MRPS9: variants seen among roughly 807,000 people sequenced by gnomAD.
The protein encoded by MRPS9 is small ribosomal subunit protein uS9m.
In MRPS9, 45 loss-of-function variants were observed where a neutral mutation model predicts 59.9. The ratio of observed to expected loss-of-function variants is 0.75; its 90% CI spans 0.59 to 0.96. The LOEUF (loss-of-function observed/expected upper bound fraction) is 0.96. Ranked by LOEUF, MRPS9 falls within the 40% of genes least tolerant of loss-of-function variation. The probability of loss-of-function intolerance (pLI) is 0.00; values close to 1 mark genes in which losing one functional copy is unlikely to be tolerated. For missense variants in MRPS9, 473 were observed against 481.1 expected, an observed-to-expected ratio of 0.98 and a Z score of 0.16; for synonymous variants, 171 against 166.8, an observed-to-expected ratio of 1.03 and a Z score of -0.19.
intron 7 of MRPS9, 162 bp from the exon 8 acceptor site, chr2:105,092,239 A>G (rs1680572921): frequency 2.0e-6 from 1 of 497,962 alleles, no homozygotes; most frequent in South Asian, 4.7e-5. Flanking sequence ...AAAGTGATGC[A>G]TCTGCATGCT....
intron 9 of MRPS9, among the ~76,000 whole-genome samples, chr2:105,096,539 C>T (rs140400024): frequency 4.5e-4 from 68 of 152,170 alleles, no homozygotes; most frequent in African/African-American, 1.5e-3. Context: ...GCAGGCCTGA[C>T]AGGGGTTGTG....
At chr2:105,064,791 A>G (rs1466556421) in intron 2 of MRPS9, among the ~76,000 whole-genome samples, 1 of 152,218 alleles carries the variant, frequency 6.6e-6, no homozygotes, top group Non-Finnish European at 1.5e-5. Flanking sequence ...GCAATGTGTT[A>G]AGTGGAGAAG....
chr2:105,086,233 T>G (rs1284599905), intron 5 of MRPS9, among the ~76,000 whole-genome samples: 2 of 152,208 alleles, frequency 1.3e-5, no homozygotes, highest in African/African-American at 4.8e-5. Context: ...TAATGGGCAT[T>G]ATGTGATTTG....
chr2:105,070,650 T>C (rs1397485717), intron 2 of MRPS9, among the ~76,000 whole-genome samples: 1 of 152,128 alleles, frequency 6.6e-6, no homozygotes, highest in Non-Finnish European at 1.5e-5. Flanking sequence ...TGCTGCTCCC[T>C]AGGACGTAGG....
Position 105,088,909 on chromosome 2 carries a change from T to G in MRPS9, c.490-75T>G, listed in dbSNP as rs112048452. On this transcript the variant is annotated intron_variant, in intron 5 of 10. Transcript: ENST00000258455. The stretch of plus-strand genomic sequence containing the variant: ...TTAGGAAGTACTTACAGGAGAAAAC[T>G]ATAAAATATATCAGAAGTTATAATG... 4,491 of 1,040,458 alleles carry G rather than the reference T, an allele frequency of 4.3e-3. 143 individuals carry two copies. The African/African-American group carries it at 0.064, about 15-fold the overall frequency. 64.5% of individuals were successfully genotyped at this position (1,040,458 alleles called of 1,614,324 possible). A position where few individuals can be genotyped will look rare whatever the true frequency, so the allele number is the denominator to read the frequency against.
chr2:105,099,604 AC>A (rs1680746200), intron 10 of MRPS9, 65 bp from the exon 11 acceptor site: 2 of 1,474,790 alleles, frequency 1.4e-6, no homozygotes, highest in Admixed American at 2.0e-5. Flanking sequence ...AAATTTATGA[AC>A]CTGCTTTTCT....
In MRPS9 at chr2:105,071,570, AT is replaced by A. The variant is rs1680114262; in HGVS notation, c.409+82del. ...AGGTTATGTATCAGCGGTTGCTCAC[AT>A]ATCGTAGGGTGGCCTTCCTGTGTCA... On this transcript the variant is annotated intron_variant, in intron 4 of 10. Transcript: ENST00000258455. 5 of 1,388,064 alleles carry A rather than the reference AT, an allele frequency of 3.6e-6. No individual in the cohort carries two copies. In the East Asian group the frequency reaches 1.1e-4, roughly 32 times the overall value. The allele number at this position is 1,388,064 out of a possible 1,614,324, so 86.0% of individuals were successfully genotyped here. A position where few individuals can be genotyped will look rare whatever the true frequency, so the allele number is the denominator to read the frequency against.
intron 1 of MRPS9, among the ~76,000 whole-genome samples, chr2:105,042,130 G>A (rs907639577): frequency 1.3e-5 from 2 of 152,194 alleles, no homozygotes; most frequent in Admixed American, 1.3e-4. Context: ...AGTTTCTGTG[G>A]GTCAGGGTTC....
intron 9 of MRPS9, among the ~76,000 whole-genome samples, chr2:105,094,148 A>G (rs1478416481): frequency 6.6e-6 from 1 of 152,168 alleles, no homozygotes; most frequent in Non-Finnish European, 1.5e-5. Flanking sequence ...ATTTTTTCCT[A>G]TTCAGAGGAA....
chr2:105,051,303 T>C (rs1030308304), intron 2 of MRPS9, among the ~76,000 whole-genome samples: 9 of 152,188 alleles, frequency 5.9e-5, no homozygotes, highest in Non-Finnish European at 1.2e-4. Context: ...GGAAAGACTA[T>C]TTTTTCCCAT....
In MRPS9 at chr2:105,049,923, A is replaced by G. The variant is rs1679677845; in HGVS notation, c.315+573A>G. ...AATCTTGTCCTTATTTTTAAAAAGT[A>G]ACATCTAATATCCCATGATGTTTTA... On this transcript the variant is annotated intron_variant, in intron 2 of 10. Coordinates refer to ENST00000258455, the MANE Select transcript of MRPS9 (RefSeq NM_182640.3). Among the ~76,000 whole-genome samples, 3 of 152,166 alleles carry G rather than the reference A, an allele frequency of 2.0e-5. No homozygotes were observed. In the South Asian group the frequency reaches 6.2e-4, roughly 31 times the overall value.
At chr2:105,049,974 G>A (rs1679679120) in intron 2 of MRPS9, among the ~76,000 whole-genome samples, 1 of 152,040 alleles carries the variant, frequency 6.6e-6, no homozygotes, top group African/African-American at 2.4e-5. Flanking sequence ...CAACATCTTT[G>A]TATAGATAAT....
At chr2:105,089,439 TA>T (rs56259751) in intron 6 of MRPS9, among the ~76,000 whole-genome samples, 30,199 of 152,140 alleles carry the variant, frequency 0.2, 3,125 homozygotes, top group Middle Eastern at 0.35. Flanking sequence ...CAGACAGCGA[TA>T]AGATCAGATC....
Position 105,049,310 on chromosome 2 carries a change from T to C in MRPS9, c.275T>C (p.Met92Thr), listed in dbSNP as rs780334135. Residue 92 changes from methionine to threonine, a missense_variant, in exon 2 of 11, where the codon ATG becomes ACG. Coordinates refer to ENST00000258455, the MANE Select transcript of MRPS9 (RefSeq NM_182640.3). ...NIGKRHLANM[M>T]GEDPETFTQE... is the part of the protein sequence containing the mutation. ...GGAAAGAGACATTTAGCCAACATGA[T>C]GGGAGAAGATCCAGAAACTTTCACT... 1.2e-6 allele frequency: 2 copies of C among 1,611,788 alleles called. No homozygotes were observed. Among genetic ancestry groups the C allele is most frequent in the Admixed American group, 1.7e-5 (1 of 59,326 alleles).
intron 2 of MRPS9, among the ~76,000 whole-genome samples, chr2:105,057,553 C>G (rs1265867640): frequency 6.6e-6 from 1 of 152,142 alleles, no homozygotes; most frequent in Non-Finnish European, 1.5e-5. Flanking sequence ...AACAGTTTTC[C>G]TTATTGACCC....
intron 2 of MRPS9, among the ~76,000 whole-genome samples, chr2:105,054,273 G>A (rs1225187620): frequency 6.6e-6 from 1 of 152,118 alleles, no homozygotes; most frequent in Non-Finnish European, 1.5e-5. Context: ...GCCATAACTG[G>A]AATCATTCTC....
chr2:105,098,332 C>T (rs1457306736), intron 10 of MRPS9: 1 of 152,206 alleles, frequency 6.6e-6, no homozygotes, highest in Non-Finnish European at 1.5e-5. Flanking sequence ...AGTCACTTAG[C>T]ACCTAAGTCT....
chr2:105,052,783 A>T (rs781400136), intron 2 of MRPS9, among the ~76,000 whole-genome samples: 3 of 152,006 alleles, frequency 2.0e-5, no homozygotes, highest in Admixed American at 6.6e-5. Context: ...GGGTTTTTTT[A>T]AATGCTTACT....
Position 105,099,792 on chromosome 2 carries a change from C to A in MRPS9, c.*31C>A. The A allele has an allele frequency of 6.2e-7, 1 of 1,602,968 alleles. No homozygotes were observed. The highest frequency in any genetic ancestry group is 8.5e-7 in the Non-Finnish European group (1 of 1,170,396). On this transcript the variant is annotated 3_prime_UTR_variant, in exon 11 of 11. Transcript: ENST00000258455. ...TGCTCCCAGGAAAGGAGAGGAAGAG[C>A]TATATATATGTGCCGACATGTGGCA...
Sources: allele counts gnomAD v4.1 joint callset (sites outside exome capture counted in the v4.1 genomes callset), GRCh38; gene constraint gnomAD v4.1.1; transcripts MANE v1.5; gene names NCBI Gene and HGNC (gene_info 2026-07-23, HGNC 2026-07-21).